CLSTN1: variants seen among roughly 807,000 people sequenced by gnomAD.
CLSTN1 encodes calsyntenin 1, also known as calsyntenin-1.
A neutral mutation model predicts 108.3 loss-of-function variants in CLSTN1; 28 were observed. That is an observed-to-expected ratio of 0.26 (90% CI 0.19 to 0.35). The LOEUF is 0.35. Ranked by LOEUF, CLSTN1 falls within the 10% of genes least tolerant of loss-of-function variation. The pLI, the probability that CLSTN1 is intolerant of heterozygous loss-of-function variation, is 1.00. For missense variants in CLSTN1, 1,157 were observed against 1,302.6 expected (o/e 0.89, Z 1.72); for synonymous variants, 524 against 534.9 (o/e 0.98, Z 0.28).
chr1:9,791,816 G>C (rs1653783848), intron 1 of CLSTN1, among the ~76,000 whole-genome samples: 1 of 151,202 alleles, frequency 6.6e-6, no homozygotes, highest in Non-Finnish European at 1.5e-5. Context: ...TTACAGGTGT[G>C]AGCCACCACA....
chr1:9,777,160 C>T (rs543854756), intron 1 of CLSTN1, among the ~76,000 whole-genome samples: 57 of 144,710 alleles, frequency 3.9e-4, no homozygotes, highest in African/African-American at 1.4e-3. Context: ...GTGCAGGTTG[C>T]AGTGAGCCAA....
At chr1:9,779,005 A>C (rs1653105811) in intron 1 of CLSTN1, among the ~76,000 whole-genome samples, 1 of 150,898 alleles carries the variant, frequency 6.6e-6, no homozygotes, top group Admixed American at 6.6e-5. Context: ...CCTGGGAGAG[A>C]AGCGAGAGAC....
At chr1:9,776,306 T>G (rs1379085120) in intron 1 of CLSTN1, among the ~76,000 whole-genome samples, 1 of 152,140 alleles carries the variant, frequency 6.6e-6, no homozygotes, top group Non-Finnish European at 1.5e-5. Context: ...TACCAGACAT[T>G]TGTACACACT....
At chr1:9,757,201 A>T (rs1651855827) in intron 2 of CLSTN1, among the ~76,000 whole-genome samples, 1 of 151,814 alleles carries the variant, frequency 6.6e-6, no homozygotes. Flanking sequence ...GGTAACATTC[A>T]ACTCATCAGT....
intron 4 of CLSTN1, among the ~76,000 whole-genome samples, chr1:9,752,588 G>A (rs961710672): frequency 6.6e-5 from 10 of 152,072 alleles, no homozygotes; most frequent in African/African-American, 2.4e-4. Context: ...ACTCAGGGCC[G>A]GGTGTGGTGG....
intron 7 of CLSTN1, among the ~76,000 whole-genome samples, chr1:9,747,214 C>G (rs1651314369): frequency 7.0e-6 from 1 of 142,718 alleles, no homozygotes; most frequent in Non-Finnish European, 1.5e-5. Flanking sequence ...GTACCTGGTG[C>G]ATAGTAAGCA....
intron 16 of CLSTN1, 119 bp from the exon 17 acceptor site, chr1:9,732,015 C>G (rs1650429358): frequency 1.7e-6 from 2 of 1,148,644 alleles, no homozygotes; most frequent in Admixed American, 2.2e-5. Flanking sequence ...TGGACCGCAG[C>G]TGGGGGCAAA....
intron 1 of CLSTN1, among the ~76,000 whole-genome samples, chr1:9,813,851 G>C (rs1366661163): frequency 6.6e-6 from 1 of 152,108 alleles, no homozygotes; most frequent in African/African-American, 2.4e-5. Context: ...TGTAATCCCA[G>C]CACTTTGGGA....
Position 9,754,283 on chromosome 1 carries a change from C to T in CLSTN1, c.440+831G>A, listed in dbSNP as rs184337514. Among the ~76,000 whole-genome samples the T allele has an allele frequency of 2.1e-3, 318 of 149,786 alleles. 3 individuals are homozygous for T. In the East Asian group the frequency reaches 0.031, roughly 14 times the overall value. ...TCATTCATTTATTAAAAACCTAGGC[C>T]GGGTGTGGTGGCTCACGCCTGTAAT... On this transcript the variant is annotated intron_variant, in intron 4 of 18. Transcript: ENST00000377298.
At chr1:9,791,325 C>A (rs142990946) in intron 1 of CLSTN1, among the ~76,000 whole-genome samples, 132 of 151,490 alleles carry the variant, frequency 8.7e-4, no homozygotes, top group African/African-American at 3.1e-3. Flanking sequence ...AGGCTGCAGC[C>A]TCCAACTCCT....
chr1:9,816,536 T>TTA (rs1273950193), intron 1 of CLSTN1, among the ~76,000 whole-genome samples: 7 of 141,196 alleles, frequency 5.0e-5, no homozygotes, highest in African/African-American at 1.5e-4. Context: ...AAAGCTGCTT[T>TTA]AAAAAAAAAA....
At chr1:9,802,423 T>A (rs553608009) in intron 1 of CLSTN1, among the ~76,000 whole-genome samples, 1 of 152,214 alleles carries the variant, frequency 6.6e-6, no homozygotes, top group Non-Finnish European at 1.5e-5. Flanking sequence ...CAGCAGAGTG[T>A]GCAAATTTCT....
chr1:9,768,715 G>A lies in CLSTN1; in HGVS notation c.214+4557C>T, dbSNP rs1252799396. 1.2e-4 allele frequency among the ~76,000 whole-genome samples: 10 copies of A among 83,416 alleles called. No homozygotes were observed. The East Asian group carries it at 3.8e-3, about 32-fold the overall frequency. 54.7% of individuals were successfully genotyped at this position (83,416 alleles called of 152,430 possible). Reference sequence around the variant, plus strand: ...TGGGGGTGGGGTTCTGTGCTGGGTGGCACCATGGGGGTGGGGTTGTGTTGG... The same window carrying A: ...TGGGGGTGGGGTTCTGTGCTGGGTGACACCATGGGGGTGGGGTTGTGTTGG... On this transcript the variant is annotated intron_variant, in intron 2 of 18. Transcript: ENST00000377298.
chr1:9,750,008 C>G (rs1379165641), intron 5 of CLSTN1, 95 bp from the exon 6 acceptor site: 6 of 1,003,068 alleles, frequency 6.0e-6, no homozygotes, highest in Non-Finnish European at 1.5e-6. Flanking sequence ...AGGCTTTAAG[C>G]CCTGTAAATA....
In CLSTN1 at chr1:9,735,876, C is replaced by A. The variant is rs768606991; in HGVS notation, c.1734+9G>T. 6.2e-7 allele frequency: 1 copy of A among 1,613,910 alleles called. No individual in the cohort carries two copies. The highest frequency in any genetic ancestry group is 1.1e-5 in the South Asian group (1 of 91,048). On this transcript the variant is annotated intron_variant, in intron 12 of 18. Coordinates refer to ENST00000377298, the MANE Select transcript of CLSTN1 (RefSeq NM_001009566.3). ...CATGAGTGGTGTGCAGTCGAGCGCT[C>A]GGTGTTACCTGCACGCCTCTGCCAC...
chr1:9,800,004 G>A (rs1363727546), intron 1 of CLSTN1, among the ~76,000 whole-genome samples: 2 of 152,006 alleles, frequency 1.3e-5, no homozygotes, highest in African/African-American at 4.8e-5. Context: ...AAGAAATATC[G>A]AGGAGTTTTA....
intron 1 of CLSTN1, among the ~76,000 whole-genome samples, chr1:9,809,026 T>A (rs1654621720): frequency 6.6e-6 from 1 of 152,106 alleles, no homozygotes; most frequent in African/African-American, 2.4e-5. Context: ...TCTCCCTTTG[T>A]CCCTGGCTTC....
intron 1 of CLSTN1, among the ~76,000 whole-genome samples, chr1:9,813,200 T>C (rs922880687): frequency 1.4e-5 from 2 of 145,182 alleles, no homozygotes; most frequent in East Asian, 2.0e-4. Context: ...CATCTTGATA[T>C]TTTTTATAAT....
intron 1 of CLSTN1, among the ~76,000 whole-genome samples, chr1:9,783,103 A>G (rs558579764): frequency 6.6e-6 from 1 of 152,376 alleles, no homozygotes; most frequent in African/African-American, 2.4e-5. Flanking sequence ...CGCCAACCAC[A>G]GGTCCCAGGG....
Sources: allele counts gnomAD v4.1 joint callset (sites outside exome capture counted in the v4.1 genomes callset), GRCh38; gene constraint gnomAD v4.1.1; transcripts MANE v1.5; gene names NCBI Gene and HGNC (gene_info 2026-07-23, HGNC 2026-07-21).